Variants in OPHN1 observed in about 807,000 individuals in gnomAD.
OPHN1 encodes oligophrenin-1.
In OPHN1, 11 loss-of-function variants were observed where a neutral mutation model predicts 60.7. The ratio of observed to expected loss-of-function variants is 0.18; its 90% CI spans 0.11 to 0.30. The LOEUF (loss-of-function observed/expected upper bound fraction) is 0.30, where lower values mean the gene tolerates loss of function less well. Ranked by LOEUF, OPHN1 falls within the 10% of genes least tolerant of loss-of-function variation. The pLI, the probability that OPHN1 is intolerant of heterozygous loss-of-function variation, is 1.00. For synonymous variants in OPHN1, 226 were observed against 222.6 expected (o/e 1.02, Z -0.14); for missense variants, 449 against 611.0 (o/e 0.73, Z 2.80).
intron 2 of OPHN1, among the ~76,000 whole-genome samples, chrX:68,366,535 G>A (rs1328308965): frequency 1.8e-5 from 2 of 110,613 alleles, no homozygotes; most frequent in African/African-American, 6.6e-5. Context: ...GTGCCCGTGT[G>A]TAGAGTCAGG....
chrX:68,206,525 AAC>A (rs1175435018), intron 10 of OPHN1, 46 bp downstream of exon 10: 1 of 908,800 alleles, frequency 1.1e-6, no homozygotes, highest in Non-Finnish European at 1.6e-6. Context: ...TTTTCTGAGA[AAC>A]AGTCATAGAT....
intron 19 of OPHN1, among the ~76,000 whole-genome samples, chrX:68,091,044 T>C (rs909392687): frequency 4.5e-5 from 5 of 111,165 alleles, no homozygotes; most frequent in African/African-American, 1.6e-4. Context: ...TCATCAATGA[T>C]GCAAAGAAAA....
intron 2 of OPHN1, among the ~76,000 whole-genome samples, chrX:68,301,445 CA>C (rs56927719): frequency 0.29 from 10,248 of 35,084 alleles, 833 homozygotes; most frequent in African/African-American, 0.46. Context: ...GACTCCATCT[CA>C]AAAAAAAAAA....
chrX:68,217,516 C>T (rs1029287992), intron 6 of OPHN1, among the ~76,000 whole-genome samples: 1 of 110,799 alleles, frequency 9.0e-6, no homozygotes. Flanking sequence ...CCTCTGCAGA[C>T]TTAAATGTCC....
At position 68,227,749 on chromosome X, in the gene OPHN1, T is replaced by C. The variant is rs761760328; in HGVS notation, c.486+6738A>G. ...CATACCAGAATCTCTGGGACACAGTTAGAGCAGTGTGTAGAGGGAAATTTA... is the reference window on the plus strand; with the variant it reads ...CATACCAGAATCTCTGGGACACAGTCAGAGCAGTGTGTAGAGGGAAATTTA... On this transcript the variant is annotated intron_variant, in intron 6 of 24. Transcript: ENST00000355520. Among the ~76,000 whole-genome samples the C allele has an allele frequency of 1.9e-4, 21 of 109,583 alleles. No homozygotes were observed. The East Asian group carries it at 4.9e-3, about 25-fold the overall frequency.
intron 23 of OPHN1, among the ~76,000 whole-genome samples, chrX:68,050,985 T>C (rs2076849508): frequency 8.9e-6 from 1 of 112,046 alleles, no homozygotes; most frequent in South Asian, 3.8e-4. Context: ...TCTGCTATGG[T>C]AGAATGAATG....
intron 15 of OPHN1, among the ~76,000 whole-genome samples, chrX:68,151,021 C>A (rs955966487): frequency 1.8e-5 from 2 of 111,506 alleles, no homozygotes; most frequent in Middle Eastern, 4.6e-3. Flanking sequence ...AAGTAAGGAA[C>A]TAGATTAAGA....
At chrX:68,270,217 C>G (rs12353921) in intron 5 of OPHN1, among the ~76,000 whole-genome samples, 10,459 of 110,394 alleles carry the variant, frequency 0.095, 1,171 homozygotes, top group African/African-American at 0.31. Flanking sequence ...AATACCATTT[C>G]ACCCAGCCAT....
At chrX:68,050,272 C>T (rs901977301) in intron 23 of OPHN1, among the ~76,000 whole-genome samples, 2 of 111,547 alleles carry the variant, frequency 1.8e-5, no homozygotes, top group Non-Finnish European at 3.8e-5. Flanking sequence ...TACTGGAGAG[C>T]AAGTGTACCT....
chrX:68,283,778 A>G (rs954391833), intron 3 of OPHN1, among the ~76,000 whole-genome samples: 7 of 112,262 alleles, frequency 6.2e-5, no homozygotes, highest in African/African-American at 1.6e-4. Flanking sequence ...TCTGAATGAA[A>G]GCCTGGAAAA....
At chrX:68,111,057 T>C (rs2077101676) in intron 18 of OPHN1, among the ~76,000 whole-genome samples, 1 of 112,193 alleles carries the variant, frequency 8.9e-6, no homozygotes, top group South Asian at 3.8e-4. Context: ...CTTTTGAGTA[T>C]GCAGACAACT....
intron 2 of OPHN1, among the ~76,000 whole-genome samples, chrX:68,372,721 T>G (rs1569295053): frequency 9.0e-6 from 1 of 110,772 alleles, no homozygotes; most frequent in African/African-American, 3.3e-5. Flanking sequence ...AAAGACCATG[T>G]CAATTGCAGT....
chrX:68,210,144 C>T lies in OPHN1; in HGVS notation c.832+9G>A. 8.3e-7 allele frequency: 1 copy of T among 1,209,776 alleles called. No homozygotes were observed. Among genetic ancestry groups the T allele is most frequent in the Non-Finnish European group, 1.1e-6 (1 of 894,317 alleles). On this transcript the variant is annotated intron_variant, in intron 9 of 24. Transcript: ENST00000355520. The stretch of plus-strand genomic sequence containing the variant: ...GAAACCCAATGGATACCCCTATGTC[C>T]CCACACACATTTCTCTTGTGTATAG...
intron 19 of OPHN1, among the ~76,000 whole-genome samples, chrX:68,093,501 G>C (rs935342390): frequency 5.4e-5 from 6 of 111,417 alleles, no homozygotes; most frequent in African/African-American, 2.0e-4. Context: ...CTCCAAAACT[G>C]TTTTCCAGAG....
chrX:68,432,855 C>A lies in OPHN1; in HGVS notation c.154+12G>T, dbSNP rs1410158851. The A allele has an allele frequency of 1.7e-6, 2 of 1,211,044 alleles. No homozygotes were observed. Among genetic ancestry groups the A allele is most frequent in the East Asian group, 5.9e-5 (2 of 33,834 alleles). The stretch of plus-strand genomic sequence containing the variant: ...AGCTCAGAGAAACAGCTCATCGAAG[C>A]CTTGCACTTACTTCTCATAGCGCTG... On this transcript the variant is annotated intron_variant, in intron 2 of 24. Coordinates refer to ENST00000355520, the MANE Select transcript of OPHN1 (RefSeq NM_002547.3).
chrX:68,050,813 C>T (rs185148130), intron 23 of OPHN1, among the ~76,000 whole-genome samples: 93 of 112,412 alleles, frequency 8.3e-4, no homozygotes, highest in African/African-American at 2.9e-3. Context: ...GCATAGGCCA[C>T]CTTATTAAGA....
At chrX:68,187,777 G>A (rs1239487903) in intron 15 of OPHN1, among the ~76,000 whole-genome samples, 1 of 110,216 alleles carries the variant, frequency 9.1e-6, no homozygotes, top group Non-Finnish European at 1.9e-5. Context: ...ACAGGTGCCC[G>A]CCACCACACC....
In OPHN1 at chrX:68,418,276, A is replaced by G. The variant is rs188926466; in HGVS notation, c.154+14591T>C. ...TGGCTAGGAGGGCAATTTTCAAAAC[A>G]ATGCACAATAAGGCAAGGTCTCTAA... On this transcript the variant is annotated intron_variant, in intron 2 of 24. Transcript: ENST00000355520. 1.3e-4 allele frequency among the ~76,000 whole-genome samples: 15 copies of G among 111,656 alleles called. No homozygotes were observed. In the East Asian group the frequency reaches 4.3e-3, roughly 32 times the overall value.
intron 2 of OPHN1, among the ~76,000 whole-genome samples, chrX:68,375,337 T>C (rs755734456): frequency 6.3e-5 from 7 of 110,741 alleles, no homozygotes; most frequent in Non-Finnish European, 1.3e-4. Context: ...TTTACAAAAA[T>C]ATTTTAAAAC....
Sources: allele counts gnomAD v4.1 joint callset (sites outside exome capture counted in the v4.1 genomes callset), GRCh38; gene constraint gnomAD v4.1.1; transcripts MANE v1.5; gene names NCBI Gene and HGNC (gene_info 2026-07-23, HGNC 2026-07-21).